Variants in NEURL4 observed in about 807,000 individuals in gnomAD.
The protein encoded by NEURL4 is neuralized-like protein 4.
A neutral mutation model predicts 148.0 loss-of-function variants in NEURL4; 45 were observed. The ratio of observed to expected loss-of-function variants is 0.30; its 90% CI spans 0.24 to 0.39. The LOEUF is 0.39. NEURL4 is among the 10% of genes least tolerant of loss of function. The pLI, the probability that NEURL4 is intolerant of heterozygous loss-of-function variation, is 1.00. For synonymous variants in NEURL4, 854 were observed against 869.0 expected, an observed-to-expected ratio of 0.98 and a Z score of 0.30; for missense variants, 1,776 against 2,144.0, an observed-to-expected ratio of 0.83 and a Z score of 3.39.
Position 7,321,715 on chromosome 17 carries a change from C to T in NEURL4, c.2944G>A (p.Glu982Lys), listed in dbSNP as rs199754411. Reference protein sequence around the residue: ...RLGLTTLAPGEMGPGAGGGGP... With the variant: ...RLGLTTLAPGKMGPGAGGGGP... The stretch of plus-strand genomic sequence containing the variant: ...CCACCGCCTGCCCCGGGTCCCATCT[C>T]CCCCGGTGCTAGTGTGGTCAGCCCC... Residue 982 changes from glutamate to lysine, a missense_variant, in exon 18 of 29, where the codon GAG becomes AAG. Transcript: ENST00000399464. This position sits in a 1 kb window ranked among gnomAD's most constrained non-coding sequence, Gnocchi z 6.3. 7.2e-4 allele frequency: 1,158 copies of T among 1,613,564 alleles called. No homozygotes were observed. Among genetic ancestry groups the T allele is most frequent in the Non-Finnish European group, 8.0e-4 (943 of 1,180,052 alleles).
chr17:7,319,699 TCAAAAAAAACAAAAAAA>T (rs1383335162), intron 21 of NEURL4, among the ~76,000 whole-genome samples: 6 of 75,962 alleles, frequency 7.9e-5, no homozygotes, highest in Non-Finnish European at 2.1e-4. Context: ...AAACTCCGTC[TCAAAAAAAACAAAAAAA>T]CAAAAAAACA....
intron 8 of NEURL4, 94 bp downstream of exon 8, chr17:7,325,115 C>G: frequency 6.6e-7 from 1 of 1,517,310 alleles, no homozygotes; most frequent in South Asian, 1.2e-5. Flanking sequence ...AAGCTGCCCC[C>G]GCCAGGCTCC....
rs1054909034 is a variant in NEURL4, at chr17:7,316,007, G to A, written c.*116C>T. 2.8e-6 allele frequency: 2 copies of A among 710,340 alleles called. No individual in the cohort carries two copies. Among genetic ancestry groups the A allele is most frequent in the Non-Finnish European group, 5.2e-6 (2 of 386,092 alleles). The allele number at this position is 710,340 out of a possible 1,614,324, so 44.0% of individuals were successfully genotyped here. ...CCTGCCTACATGCTCCTGCGCGGCT[G>A]CCAAGCTCCAGCACCTGCGCATGCC... On this transcript the variant is annotated 3_prime_UTR_variant, in exon 29 of 29. Transcript: ENST00000399464.
At chr17:7,319,749 C>A (rs1056232037) in intron 21 of NEURL4, among the ~76,000 whole-genome samples, 8 of 151,798 alleles carry the variant, frequency 5.3e-5, no homozygotes, top group South Asian at 4.1e-4. Context: ...GCTGTTTGAG[C>A]CTTGACCTTG....
At position 7,326,826 on chromosome 17, in the gene NEURL4, G is replaced by A. The variant is rs1425904482; in HGVS notation, c.977C>T (p.Thr326Ile). ...ATTATTGTTGCTGAGTTTGATGAGG[G>A]TCCCGCACTTTTCATGAAAGAGCAG... ...DALLFHEKCG[T>I]LIKLSNNNKT... Residue 326 changes from threonine (T) to isoleucine (I), a missense_variant, in exon 4 of 29, where the codon ACC (threonine) becomes ATC (isoleucine). Coordinates refer to ENST00000399464, the MANE Select transcript of NEURL4 (RefSeq NM_032442.3). The surrounding 1 kb of genome is among the most constrained non-coding windows in gnomAD (Gnocchi z 6.0). 6.2e-7 allele frequency: 1 copy of A among 1,613,684 alleles called. No homozygotes were observed. The highest frequency in any genetic ancestry group is 1.7e-5 in the Admixed American group (1 of 59,886).
chr17:7,322,018 G>A lies in NEURL4; in HGVS notation c.2726-8C>T, dbSNP rs61433434. 1.9e-6 allele frequency: 3 copies of A among 1,601,044 alleles called. No homozygotes were observed. Among genetic ancestry groups the A allele is most frequent in the Non-Finnish European group, 1.7e-6 (2 of 1,174,620 alleles). On this transcript the variant is annotated splice_region_variant and splice_polypyrimidine_tract_variant and intron_variant, in intron 16 of 28. Transcript: ENST00000399464. This position sits in a 1 kb window ranked among gnomAD's most constrained non-coding sequence, Gnocchi z 5.5. ...GGTGAGCCACGCCAGCCACTGTGAA[G>A]AGATGGCACCAGTAGAAGGGGTAGG...
chr17:7,318,521 C>T lies in NEURL4; in HGVS notation c.3838G>A (p.Val1280Met), dbSNP rs377003323. Reference sequence around the variant, plus strand: ...TGCTCACACTGCCCATAGAGGTCCACAAGCGCATGGCAGGGCTGGGGCACA... The same window carrying T: ...TGCTCACACTGCCCATAGAGGTCCATAAGCGCATGGCAGGGCTGGGGCACA... Reference protein sequence around the residue: ...PDVPQPCHALVDLYGQCEQVT... With the variant: ...PDVPQPCHALMDLYGQCEQVT... Residue 1280 changes from valine to methionine, a missense_variant, in exon 23 of 29, where the codon GTG (valine) becomes ATG (methionine). Physicochemically the swap from Val to Met is conservative, Grantham distance 21 (BLOSUM62 1). Coordinates refer to ENST00000399464, the MANE Select transcript of NEURL4 (RefSeq NM_032442.3). This position sits in a 1 kb window ranked among gnomAD's most constrained non-coding sequence, Gnocchi z 4.3. The T allele has an allele frequency of 6.2e-7, 1 of 1,611,028 alleles. No homozygotes were observed. Among genetic ancestry groups the T allele is most frequent in the Non-Finnish European group, 8.5e-7 (1 of 1,178,344 alleles).
At position 7,323,967 on chromosome 17, in the gene NEURL4, A is replaced by G. The variant is rs2073066039; in HGVS notation, c.2108T>C (p.Val703Ala). The change falls in exon 12 of 29, where the codon GTG (valine) becomes GCG (alanine). Residue 703 changes from valine to alanine, a missense_variant. Transcript: ENST00000399464. ...CCCTGAGGACGGAGAGCTTGGAGAC[A>G]CCTGGTTGTTCCCCTCAGGGAGTGG... ...PEPLPEGNNQ[V>A]SPSSPSSGAG... 1.2e-6 allele frequency: 2 copies of G among 1,612,220 alleles called. No homozygotes were observed. Among genetic ancestry groups the G allele is most frequent in the Non-Finnish European group, 8.5e-7 (1 of 1,179,996 alleles).
chr17:7,320,895 G>A lies in NEURL4; in HGVS notation c.3389C>T (p.Thr1130Ile). The A allele has an allele frequency of 6.2e-7, 1 of 1,614,088 alleles. No individual in the cohort carries two copies. Among genetic ancestry groups the A allele is most frequent in the South Asian group, 1.1e-5 (1 of 91,064 alleles). Residue 1130 changes from threonine to isoleucine, a missense_variant, in exon 21 of 29, where the codon ACC (threonine) becomes ATC (isoleucine). Transcript: ENST00000399464. ...GGQNEVGIIPTTLEFLENHGK... is the reference protein window; with the variant it reads ...GGQNEVGIIPITLEFLENHGK... The stretch of plus-strand genomic sequence containing the variant: ...ATGGTTCTCCAGGAACTCGAGGGTG[G>A]TGGGTATAATACCCACTTCATTCTG...
rs376762310 is a variant in NEURL4, at chr17:7,327,092, C to T, written c.793+73G>A. The T allele has an allele frequency of 1.2e-6, 2 of 1,600,470 alleles. No individual in the cohort carries two copies. Among genetic ancestry groups the T allele is most frequent in the African/African-American group, 1.3e-5 (1 of 74,862 alleles). On this transcript the variant is annotated intron_variant, in intron 3 of 28. Transcript: ENST00000399464. The surrounding 1 kb of genome is among the most constrained non-coding windows in gnomAD (Gnocchi z 6.6). ...CAGACCTGGTGCCTCTCTCCCTACC[C>T]CTTCTCCTGAGGGCCCTCCCTTGTC...
At chr17:7,328,913 T>A in intron 1 of NEURL4, 118 bp downstream of exon 1, 4 of 966,072 alleles carry the variant, frequency 4.1e-6, no homozygotes, top group Non-Finnish European at 5.8e-6. Context: ...TGCTCTATGG[T>A]CTTTCTGTTC....
Position 7,318,642 on chromosome 17 carries a change from C to A in NEURL4, c.3717G>T (p.Thr1239=), listed in dbSNP as rs376177328. 8.7e-6 allele frequency: 14 copies of A among 1,612,502 alleles called. No individual in the cohort carries two copies. Among genetic ancestry groups the A allele is most frequent in the Non-Finnish European group, 1.2e-5 (14 of 1,179,266 alleles). Residue 1239 remains threonine (T), a synonymous_variant, in exon 23 of 29, where the codon ACG becomes ACT. Coordinates refer to ENST00000399464, the MANE Select transcript of NEURL4 (RefSeq NM_032442.3). The surrounding 1 kb of genome is among the most constrained non-coding windows in gnomAD (Gnocchi z 4.3). ...ICEKFGPNLD[T]CPEGTILGLR... The stretch of plus-strand genomic sequence containing the variant: ...GTCCCAGGATGGTGCCTTCAGGGCA[C>A]GTGTCCAGATTGGGCCCAAACTTCT...
chr17:7,329,157 C>T lies in NEURL4; in HGVS notation c.156G>A (p.Val52=). The T allele has an allele frequency of 6.2e-7, 1 of 1,606,042 alleles. No individual in the cohort carries two copies. Among genetic ancestry groups the T allele is most frequent in the Non-Finnish European group, 8.5e-7 (1 of 1,178,210 alleles). The part of the protein sequence containing the change: ...GELHPRTGRL[V]SLSACGRTAR... Reference sequence around the variant, plus strand: ...CCGTACGCCCACAGGCCGACAGGCTCACCAAGCGCCCAGTGCGCGGGTGCA... The same window carrying T: ...CCGTACGCCCACAGGCCGACAGGCTTACCAAGCGCCCAGTGCGCGGGTGCA... Residue 52 remains valine (V), a synonymous_variant, in exon 1 of 29, where the codon GTG becomes GTA. Coordinates refer to ENST00000399464, the MANE Select transcript of NEURL4 (RefSeq NM_032442.3).
At position 7,317,321 on chromosome 17, in the gene NEURL4, T is replaced by G. The variant is rs755818868; in HGVS notation, c.4368A>C (p.Val1456=). 1 of 1,542,226 alleles carries G rather than the reference T, an allele frequency of 6.5e-7. No homozygotes were observed. Among genetic ancestry groups the G allele is most frequent in the Non-Finnish European group, 8.7e-7 (1 of 1,143,420 alleles). The change falls in exon 28 of 29, where the codon GTA becomes GTC. Residue 1456 remains valine (V), a synonymous_variant. Coordinates refer to ENST00000399464, the MANE Select transcript of NEURL4 (RefSeq NM_032442.3). ...AGTTCTCGCCAGGCTCCTCGAACCC[T>G]ACCCCAGGTTCTCCCTTCAAAGGAC... ...SCRPLKGEPG[V]GFEEPGENCA...
At chr17:7,325,748 T>C in intron 6 of NEURL4, 35 bp from the exon 7 acceptor site, 1 of 1,561,536 alleles carries the variant, frequency 6.4e-7, no homozygotes, top group Non-Finnish European at 8.8e-7. Context: ...AGAGGAGTCC[T>C]GAGGCCTGCT....
rs777436315 is a variant in NEURL4, at chr17:7,318,612, C to A, written c.3747G>T (p.Arg1249=). The change falls in exon 23 of 29, where the codon CGG becomes CGT. Residue 1249 remains arginine (R), a synonymous_variant. Transcript: ENST00000399464. The surrounding 1 kb of genome is among the most constrained non-coding windows in gnomAD (Gnocchi z 4.3). ...TCPEGTILGL[R]LDSSGGLHLH... ...GATGCAGCCCCCCAGAGCTGTCCAG[C>A]CGCAGTCCCAGGATGGTGCCTTCAG... 11 of 1,613,960 alleles carry A rather than the reference C, an allele frequency of 6.8e-6. No individual in the cohort carries two copies. In the East Asian group the frequency reaches 2.2e-4, roughly 33 times the overall value.
chr17:7,324,704 A>C lies in NEURL4; in HGVS notation c.1813+95T>G. On this transcript the variant is annotated intron_variant, in intron 9 of 28. Coordinates refer to ENST00000399464, the MANE Select transcript of NEURL4 (RefSeq NM_032442.3). This position sits in a 1 kb window ranked among gnomAD's most constrained non-coding sequence, Gnocchi z 5.9. The stretch of plus-strand genomic sequence containing the variant: ...CACTGAATGAGTGGTCACAAGAGTG[A>C]CAAGTGAAAAAGGAGCTGCAGAACA... 1 of 1,373,752 alleles carries C rather than the reference A, an allele frequency of 7.3e-7. No homozygotes were observed. The highest frequency in any genetic ancestry group is 1.0e-6 in the Non-Finnish European group (1 of 976,502). The allele number at this position is 1,373,752 out of a possible 1,614,324, so 85.1% of individuals were successfully genotyped here.
At position 7,318,468 on chromosome 17, in the gene NEURL4, C is replaced by T. The variant is rs2072981448; in HGVS notation, c.3864+27G>A. 1.9e-6 allele frequency: 3 copies of T among 1,601,004 alleles called. No individual in the cohort carries two copies. Among genetic ancestry groups the T allele is most frequent in the Non-Finnish European group, 2.6e-6 (3 of 1,171,958 alleles). ...GGACAGCGCAGACTCTCAGGCACCC[C>T]TCCTCCCTGCCCCCACTGCCACTAA... On this transcript the variant is annotated intron_variant, in intron 23 of 28. Coordinates refer to ENST00000399464, the MANE Select transcript of NEURL4 (RefSeq NM_032442.3). This position sits in a 1 kb window ranked among gnomAD's most constrained non-coding sequence, Gnocchi z 4.3.
At chr17:7,325,609 C>A (rs759447795) in intron 7 of NEURL4, 32 bp downstream of exon 7, 1 of 1,607,852 alleles carries the variant, frequency 6.2e-7, no homozygotes, top group South Asian at 1.1e-5. Context: ...CCGAAAGCCC[C>A]GGCCCAGAGG....
Sources: allele counts gnomAD v4.1 joint callset (sites outside exome capture counted in the v4.1 genomes callset), GRCh38; gene constraint gnomAD v4.1.1; non-coding constraint Gnocchi (gnomAD v3.1); transcripts MANE v1.5; gene names NCBI Gene and HGNC (gene_info 2026-07-23, HGNC 2026-07-21).